PLCB1: variants seen among roughly 807,000 people sequenced by gnomAD.
PLCB1 encodes 1-phosphatidylinositol 4,5-bisphosphate phosphodiesterase beta-1.
PLCB1 carries 46 observed loss-of-function variants against 161.8 expected under a neutral mutation model. That is an observed-to-expected ratio of 0.28 (90% CI 0.22 to 0.36). PLCB1 has a LOEUF of 0.36. Ranked by LOEUF, PLCB1 falls within the 10% of genes least tolerant of loss-of-function variation. The pLI is 1.00. For synonymous variants in PLCB1, 517 were observed against 503.7 expected (o/e 1.03, Z -0.35); for missense variants, 1,016 against 1,472.5 (o/e 0.69, Z 5.07).
intron 2 of PLCB1, among the ~76,000 whole-genome samples, chr20:8,307,710 C>T (rs1450031509): frequency 6.6e-6 from 1 of 152,048 alleles, no homozygotes; most frequent in Non-Finnish European, 1.5e-5. Context: ...CACCTGAGGT[C>T]AGGTGTTCGA....
chr20:8,240,279 GACACAC>G (rs10683042), intron 2 of PLCB1, among the ~76,000 whole-genome samples: 62,890 of 149,530 alleles, frequency 0.42, 13,617 homozygotes, highest in East Asian at 0.65. Flanking sequence ...TCATGATATT[GACACAC>G]ACACACACAC....
chr20:8,721,468 G>A lies in PLCB1; in HGVS notation c.1514-886G>A, dbSNP rs550969257. On this transcript the variant is annotated intron_variant, in intron 14 of 31. Coordinates refer to ENST00000338037, the MANE Select transcript of PLCB1 (RefSeq NM_015192.4). Reference sequence around the variant, plus strand: ...CTGACTGAAGCCCATAGCTATGGAAGAATGTAATGCTTCATACTGATATGA... The same window carrying A: ...CTGACTGAAGCCCATAGCTATGGAAAAATGTAATGCTTCATACTGATATGA... Among the ~76,000 whole-genome samples the A allele has an allele frequency of 3.1e-4, 47 of 152,320 alleles. 1 individual carries two copies. Among genetic ancestry groups the A allele is most frequent in the South Asian group, 1.9e-3 (9 of 4,832 alleles).
chr20:8,440,654 G>C (rs990711784), intron 3 of PLCB1, among the ~76,000 whole-genome samples: 1 of 152,172 alleles, frequency 6.6e-6, no homozygotes, highest in Non-Finnish European at 1.5e-5. Context: ...GTTGGGGGAA[G>C]GGAGGGTTAG....
chr20:8,459,668 T>A (rs1266419451), intron 3 of PLCB1, among the ~76,000 whole-genome samples: 1 of 152,236 alleles, frequency 6.6e-6, no homozygotes. Context: ...TCTAAAGGGA[T>A]TGTTACAAAC....
rs66948763 is a variant in PLCB1 at position 8,268,837 on chromosome 20, AT to A, written c.178-102537del. Among the ~76,000 whole-genome samples the A allele has an allele frequency of 7.2e-3, 1,089 of 151,408 alleles. 14 individuals are homozygous for A. The highest frequency in any genetic ancestry group is 9.2e-3 in the Non-Finnish European group (621 of 67,806). ...TTGTTTTTTGTCATTTTCTCTATGT[AT>A]TTTTTTTAAATTCTCAATGCCTTGA... On this transcript the variant is annotated intron_variant, in intron 2 of 31. Transcript: ENST00000338037.
chr20:8,506,441 C>T (rs1983640131), intron 3 of PLCB1, among the ~76,000 whole-genome samples: 1 of 152,094 alleles, frequency 6.6e-6, no homozygotes, highest in South Asian at 2.1e-4. Context: ...GGAAATTCCA[C>T]CATTTAACGT....
intron 2 of PLCB1, among the ~76,000 whole-genome samples, chr20:8,282,973 G>A (rs929643915): frequency 1.1e-4 from 16 of 152,066 alleles, no homozygotes; most frequent in African/African-American, 3.4e-4. Flanking sequence ...GTGGTTCTCC[G>A]TGGTGTTCAG....
chr20:8,316,950 C>T (rs1360893400), intron 2 of PLCB1, among the ~76,000 whole-genome samples: 1 of 128,020 alleles, frequency 7.8e-6, no homozygotes, highest in Non-Finnish European at 1.6e-5. Flanking sequence ...TGTCTATACC[C>T]ACCCCCGGCC....
chr20:8,294,256 A>G (rs1983523047), intron 2 of PLCB1, among the ~76,000 whole-genome samples: 1 of 152,064 alleles, frequency 6.6e-6, no homozygotes, highest in East Asian at 1.9e-4. Flanking sequence ...TTTTTCTTCC[A>G]CCCTTTATCC....
At chr20:8,792,784 C>G (rs1983826907) in intron 31 of PLCB1, 1 of 373,178 alleles carries the variant, frequency 2.7e-6, no homozygotes, top group Non-Finnish European at 5.3e-6. Context: ...TAAATCATGA[C>G]TGTTAACATT....
chr20:8,490,458 T>A (rs1982897855), intron 3 of PLCB1, among the ~76,000 whole-genome samples: 1 of 152,240 alleles, frequency 6.6e-6, no homozygotes, highest in African/African-American at 2.4e-5. Flanking sequence ...TATTTTAAAA[T>A]CCGCTATGAA....
intron 3 of PLCB1, among the ~76,000 whole-genome samples, chr20:8,506,830 G>A (rs1286385434): frequency 6.6e-6 from 1 of 151,904 alleles, no homozygotes; most frequent in Non-Finnish European, 1.5e-5. Context: ...GGATATTATT[G>A]GAATTGTACT....
chr20:8,376,293 G>A (rs572495854), intron 3 of PLCB1, among the ~76,000 whole-genome samples: 3 of 152,330 alleles, frequency 2.0e-5, no homozygotes, highest in Middle Eastern at 3.4e-3. Flanking sequence ...TAATTTTAAT[G>A]TAGATTCTTT....
At chr20:8,677,146 C>A (rs1268679698) in intron 9 of PLCB1, among the ~76,000 whole-genome samples, 1 of 152,124 alleles carries the variant, frequency 6.6e-6, no homozygotes, top group Non-Finnish European at 1.5e-5. Context: ...GTAATCCCAG[C>A]AATTTGGGAG....
intron 3 of PLCB1, among the ~76,000 whole-genome samples, chr20:8,419,559 T>C (rs1979447847): frequency 6.6e-6 from 1 of 152,222 alleles, no homozygotes; most frequent in Non-Finnish European, 1.5e-5. Flanking sequence ...CATTTCACTA[T>C]AAAATAGGCT....
chr20:8,607,265 T>C (rs1036147427), intron 3 of PLCB1, among the ~76,000 whole-genome samples: 1 of 152,206 alleles, frequency 6.6e-6, no homozygotes, highest in Non-Finnish European at 1.5e-5. Context: ...AATAGCATCT[T>C]AATTGGCTTC....
chr20:8,297,276 A>G (rs537442585), intron 2 of PLCB1, among the ~76,000 whole-genome samples: 2 of 152,270 alleles, frequency 1.3e-5, no homozygotes, highest in Admixed American at 1.3e-4. Flanking sequence ...AAAATTGCGG[A>G]TAAGATGGAC....
intron 2 of PLCB1, among the ~76,000 whole-genome samples, chr20:8,325,957 G>A (rs1985136062): frequency 6.6e-6 from 1 of 152,192 alleles, no homozygotes; most frequent in Non-Finnish European, 1.5e-5. Flanking sequence ...GTTGTTTCCA[G>A]GGAACAAAAC....
intron 19 of PLCB1, among the ~76,000 whole-genome samples, chr20:8,735,004 T>G (rs917496948): frequency 1.3e-5 from 2 of 152,342 alleles, no homozygotes; most frequent in East Asian, 1.9e-4. Context: ...TTATATCTTT[T>G]GAAATTACTT....
Sources: allele counts gnomAD v4.1 joint callset (sites outside exome capture counted in the v4.1 genomes callset), GRCh38; gene constraint gnomAD v4.1.1; transcripts MANE v1.5; gene names NCBI Gene and HGNC (gene_info 2026-07-23, HGNC 2026-07-21).